Variants in CTSS observed in about 807,000 individuals in gnomAD.
The protein encoded by CTSS is cathepsin S.
CTSS carries 15 observed loss-of-function variants against 39.9 expected under a neutral mutation model. That is an observed-to-expected ratio of 0.38 (90% CI 0.25 to 0.58). The LOEUF (loss-of-function observed/expected upper bound fraction) is 0.58, where lower values mean the gene tolerates loss of function less well. CTSS is among the 20% of genes least tolerant of loss of function. The pLI is 0.70. For missense variants in CTSS, 250 were observed against 398.2 expected (o/e 0.63, Z 3.17); for synonymous variants, 126 against 138.2 (o/e 0.91, Z 0.62).
chr1:150,756,597 T>C (rs1304049246), intron 3 of CTSS, among the ~76,000 whole-genome samples: 1 of 151,972 alleles, frequency 6.6e-6, no homozygotes, highest in African/African-American at 2.4e-5. Flanking sequence ...TTCAGCTCCA[T>C]CATAATCTTA....
intron 7 of CTSS, among the ~76,000 whole-genome samples, chr1:150,746,532 A>G (rs1016027925): frequency 6.6e-6 from 1 of 152,198 alleles, no homozygotes; most frequent in African/African-American, 2.4e-5. Flanking sequence ...CAATTTAAAT[A>G]TAATGCCTAA....
chr1:150,741,008 A>G (rs994542305), intron 7 of CTSS, among the ~76,000 whole-genome samples: 5 of 151,838 alleles, frequency 3.3e-5, no homozygotes, highest in Non-Finnish European at 5.9e-5. Context: ...TGTTTAACTT[A>G]AATTTTTTTT....
At chr1:150,747,901 GA>G in intron 6 of CTSS, 22 bp from the exon 7 acceptor site, 5 of 1,474,262 alleles carry the variant, frequency 3.4e-6, no homozygotes, top group Non-Finnish European at 4.7e-6. Context: ...ATATGGGTGG[GA>G]AAAAAGAGTG....
At position 150,739,081 on chromosome 1, in the gene CTSS, T is replaced by C. The variant is rs113967546; in HGVS notation, c.897-5936A>G. Among the ~76,000 whole-genome samples the C allele has an allele frequency of 8.0e-3, 1,220 of 152,048 alleles. 9 individuals are homozygous for C. Among genetic ancestry groups the C allele is most frequent in the Non-Finnish European group, 0.011 (730 of 67,952 alleles). On this transcript the variant is annotated intron_variant, in intron 7 of 7. Coordinates refer to ENST00000368985, the MANE Select transcript of CTSS (RefSeq NM_004079.5). ...TGGTGGTGCGTGCCTGTAATCCCAG[T>C]TACTCCGGAGGCTGAGGCAGGAGAA...
At position 150,757,928 on chromosome 1, in the gene CTSS, AT is replaced by A; in HGVS notation, c.178del (p.Met60CysfsTer18). On this transcript the variant is annotated frameshift_variant, in exon 3 of 8. Coordinates refer to ENST00000368985, the MANE Select transcript of CTSS (RefSeq NM_004079.5). LOFTEE classifies it high-confidence loss of function. The part of the protein sequence containing the change: ...LIWEKNLKFV[M>X]LHNLEHSMGM... ...CATTGAATGCTCCAGGTTGTGAAGC[AT>A]CACAAACTTTAGATTCTTTTCCCAG... is the stretch of plus-strand genomic sequence containing the variant. 1 of 1,613,834 alleles carries A rather than the reference AT, an allele frequency of 6.2e-7. No homozygotes were observed. The highest frequency in any genetic ancestry group is 8.5e-7 in the Non-Finnish European group (1 of 1,179,728).
rs1191083643 is a variant in CTSS at position 150,731,522 on chromosome 1, T to C, written c.*1524A>G. ...TTAGCAATTCTTGTTCCTTAAAATG[T>C]GCTTTATGGAGAAGGAGCCAGAGTT... On this transcript the variant is annotated 3_prime_UTR_variant, in exon 8 of 8. Coordinates refer to ENST00000368985, the MANE Select transcript of CTSS (RefSeq NM_004079.5). 6.6e-6 allele frequency: 1 copy of C among 152,260 alleles called. No homozygotes were observed. Among genetic ancestry groups the C allele is most frequent in the Non-Finnish European group, 1.5e-5 (1 of 68,046 alleles). 9.4% of individuals were successfully genotyped at this position (152,260 alleles called of 1,614,324 possible).
intron 7 of CTSS, among the ~76,000 whole-genome samples, chr1:150,745,804 G>A (rs899013230): frequency 6.6e-6 from 1 of 152,144 alleles, no homozygotes; most frequent in East Asian, 1.9e-4. Context: ...TCAGAAGCTA[G>A]GGGAGAGGCA....
Position 150,732,968 on chromosome 1 carries a change from TTC to T in CTSS, c.*76_*77del. 8.9e-6 allele frequency: 9 copies of T among 1,008,216 alleles called. No homozygotes were observed. Among genetic ancestry groups the T allele is most frequent in the Non-Finnish European group, 1.4e-5 (9 of 655,812 alleles). 62.5% of individuals were successfully genotyped at this position (1,008,216 alleles called of 1,614,324 possible). On this transcript the variant is annotated 3_prime_UTR_variant, in exon 8 of 8. Transcript: ENST00000368985. ...ACATTAATCATGACACAATTATTTC[TTC>T]TGGATACAGCAGGAAAAATTAAGTT...
chr1:150,755,941 C>T (rs1304295638), intron 3 of CTSS, among the ~76,000 whole-genome samples: 1 of 151,986 alleles, frequency 6.6e-6, no homozygotes, highest in East Asian at 1.9e-4. Context: ...AATAAATTAA[C>T]CTTAGTTTAA....
rs1046093764 is a variant in CTSS, at chr1:150,732,636, C to T, written c.*410G>A. 4 of 152,948 alleles carry T rather than the reference C, an allele frequency of 2.6e-5. No homozygotes were observed. The highest frequency in any genetic ancestry group is 7.2e-5 in the African/African-American group (3 of 41,438). The allele number at this position is 152,948 out of a possible 1,614,324, so 9.5% of individuals were successfully genotyped here. A position where few individuals can be genotyped will look rare whatever the true frequency, so the allele number is the denominator to read the frequency against. ...CTTTTCTGTTTTTTTGAAACAGAGT[C>T]TCCACTCTGTCATCCAGGCTGGAGT... On this transcript the variant is annotated 3_prime_UTR_variant, in exon 8 of 8. Transcript: ENST00000368985.
intron 7 of CTSS, among the ~76,000 whole-genome samples, chr1:150,740,040 T>A (rs939837455): frequency 2.6e-5 from 4 of 152,188 alleles, no homozygotes; most frequent in Non-Finnish European, 5.9e-5. Flanking sequence ...AGAGCTGCAT[T>A]TTTCATTTCC....
rs112821524 is a variant in CTSS at position 150,761,136 on chromosome 1, G to A, written c.127-3156C>T. ...GGAGGTTGCAGTGAGCCGAGATTGC[G>A]CCACTGCACTCCAGCCTGGGCGACA... On this transcript the variant is annotated intron_variant, in intron 2 of 7. Coordinates refer to ENST00000368985, the MANE Select transcript of CTSS (RefSeq NM_004079.5). Among the ~76,000 whole-genome samples the A allele has an allele frequency of 8.5e-3, 1,212 of 143,288 alleles. 9 individuals carry two copies. Among genetic ancestry groups the A allele is most frequent in the Admixed American group, 0.011 (153 of 13,884 alleles). The allele number at this position is 143,288 out of a possible 152,430, so 94.0% of individuals were successfully genotyped here.
chr1:150,764,117 C>T (rs1256308256), intron 2 of CTSS, among the ~76,000 whole-genome samples: 1 of 152,070 alleles, frequency 6.6e-6, no homozygotes, highest in Non-Finnish European at 1.5e-5. Context: ...TACATATCTG[C>T]TTGTTTATTT....
At chr1:150,763,336 C>T (rs1246289352) in intron 2 of CTSS, among the ~76,000 whole-genome samples, 1 of 152,082 alleles carries the variant, frequency 6.6e-6, no homozygotes, top group East Asian at 1.9e-4. Flanking sequence ...TACAGAGTTT[C>T]ATTTGACAAG....
At chr1:150,761,848 A>G (rs1420008077) in intron 2 of CTSS, among the ~76,000 whole-genome samples, 2 of 152,234 alleles carry the variant, frequency 1.3e-5, no homozygotes, top group Non-Finnish European at 2.9e-5. Context: ...TGTTCATACT[A>G]TCCAAAGCAA....
chr1:150,731,852 C>G lies in CTSS; in HGVS notation c.*1194G>C, dbSNP rs1385722781. ...ATTGTTGATCATTAAAATAATTCTT[C>G]CAAAGTGCTTGTCTTTTATGCATTT... On this transcript the variant is annotated 3_prime_UTR_variant, in exon 8 of 8. Coordinates refer to ENST00000368985, the MANE Select transcript of CTSS (RefSeq NM_004079.5). 2 of 152,180 alleles carry G rather than the reference C, an allele frequency of 1.3e-5. No homozygotes were observed. The highest frequency in any genetic ancestry group is 6.5e-5 in the Admixed American group (1 of 15,272). The allele number at this position is 152,180 out of a possible 1,614,324, so 9.4% of individuals were successfully genotyped here. A position where few individuals can be genotyped will look rare whatever the true frequency, so the allele number is the denominator to read the frequency against.
At chr1:150,740,641 C>T (rs1012122785) in intron 7 of CTSS, among the ~76,000 whole-genome samples, 1 of 152,174 alleles carries the variant, frequency 6.6e-6, no homozygotes, top group African/African-American at 2.4e-5. Flanking sequence ...ATCCACCTGC[C>T]TTGGCCTCCC....
intron 7 of CTSS, among the ~76,000 whole-genome samples, chr1:150,735,727 C>A (rs979470870): frequency 5.9e-5 from 9 of 151,496 alleles, no homozygotes; most frequent in Non-Finnish European, 1.0e-4. Flanking sequence ...TAGCTAGGAC[C>A]ACATGTGCAT....
At chr1:150,755,191 G>T in intron 3 of CTSS, 41 bp from the exon 4 acceptor site, 2 of 1,591,882 alleles carry the variant, frequency 1.3e-6, no homozygotes, top group South Asian at 1.1e-5. Context: ...TTAATGACTG[G>T]AATATGTTCT....
Sources: gnomAD v4.1 joint callset for allele counts (sites outside exome capture counted in the v4.1 genomes callset) on GRCh38, gnomAD v4.1.1 for gene constraint, MANE v1.5 for transcripts, NCBI Gene and HGNC (gene_info 2026-07-23, HGNC 2026-07-21) for gene names.